CAD: variants seen among roughly 807,000 people sequenced by gnomAD.
CAD encodes the protein carbamoyl-phosphate synthetase 2, aspartate transcarbamylase, and dihydroorotase.
CAD carries 81 observed loss-of-function variants against 237.2 expected under a neutral mutation model. That is an observed-to-expected ratio of 0.34 (90% CI 0.29 to 0.41). The LOEUF is 0.41. Among genes scored for constraint, CAD ranks in the 10% least tolerant of loss-of-function variants. The pLI, the probability that CAD is intolerant of heterozygous loss-of-function variation, is 1.00. For missense variants in CAD, 2,181 were observed against 2,951.7 expected (o/e 0.74, Z 6.05); for synonymous variants, 1,196 against 1,162.8 (o/e 1.03, Z -0.58).
chr2:27,224,713 C>T (rs564017743), intron 9 of CAD, 32 bp from the exon 10 acceptor site: 1 of 1,613,972 alleles, frequency 6.2e-7, no homozygotes, highest in South Asian at 1.1e-5. Flanking sequence ...GCTTCTTCAG[C>T]AGAGGCTGAG....
At chr2:27,234,294 A>G (rs1459566450) in intron 22 of CAD, 68 bp downstream of exon 22, 20 of 1,434,930 alleles carry the variant, frequency 1.4e-5, no homozygotes, top group Non-Finnish European at 1.8e-5. Flanking sequence ...CCACAGTGCC[A>G]TGAAGCCCTG....
At chr2:27,224,073 T>TTGG in intron 8 of CAD, 44 bp downstream of exon 8, 1 of 1,421,356 alleles carries the variant, frequency 7.0e-7, no homozygotes, top group Non-Finnish European at 1.0e-6. Flanking sequence ...AAGAACAGGG[T>TTGG]TGGCTCCAGG....
chr2:27,221,180 T>C (rs1470277968), intron 2 of CAD, 38 bp from the exon 3 acceptor site: 7 of 1,491,942 alleles, frequency 4.7e-6, no homozygotes, highest in Non-Finnish European at 6.3e-6. Flanking sequence ...AAGAAATAAC[T>C]TGGCCTGAGG....
Position 27,242,782 on chromosome 2 carries a change from C to T in CAD, c.6378+7C>T. ...CTCCCGCGGCACCAAGCAGGTGAGACCCTCACAGCCCTGCCTGGAAGCCAT... is the reference window on the plus strand; with the variant it reads ...CTCCCGCGGCACCAAGCAGGTGAGATCCTCACAGCCCTGCCTGGAAGCCAT... On this transcript the variant is annotated splice_region_variant and intron_variant, in intron 41 of 43. Transcript: ENST00000264705. The surrounding 1 kb of genome is among the most constrained non-coding windows in gnomAD (Gnocchi z 6.4). 6.2e-7 allele frequency: 1 copy of T among 1,614,186 alleles called. No individual in the cohort carries two copies. The highest frequency in any genetic ancestry group is 1.1e-5 in the South Asian group (1 of 91,092).
In CAD at chr2:27,240,702, C is replaced by T; in HGVS notation, c.5594-209C>T. ...GCCAACTGGGAGAGCCCCGGGAGGG[C>T]ACCACTGCTCCCATACAACACAGCC... is the stretch of plus-strand genomic sequence containing the variant. On this transcript the variant is annotated intron_variant, in intron 35 of 43. Transcript: ENST00000264705. This position sits in a 1 kb window ranked among gnomAD's most constrained non-coding sequence, Gnocchi z 4.6. The T allele has an allele frequency of 1.4e-6, 2 of 1,392,992 alleles. No homozygotes were observed. Among genetic ancestry groups the T allele is most frequent in the Non-Finnish European group, 2.0e-6 (2 of 1,012,444 alleles). The allele number at this position is 1,392,992 out of a possible 1,614,324, so 86.3% of individuals were successfully genotyped here. A position where few individuals can be genotyped will look rare whatever the true frequency, so the allele number is the denominator to read the frequency against.
Position 27,221,172 on chromosome 2 carries a change from GAAAT to G in CAD, c.223-43_223-40del, listed in dbSNP as rs1189262979. The G allele has an allele frequency of 2.7e-6, 4 of 1,479,612 alleles. No individual in the cohort carries two copies. In the South Asian group the frequency reaches 5.8e-5, roughly 21 times the overall value. 91.7% of individuals were successfully genotyped at this position (1,479,612 alleles called of 1,614,324 possible). ...CACACAATCGGGAAAATGCTGCAAA[GAAAT>G]AACTTGGCCTGAGGCTTCTCACAAT... is the stretch of plus-strand genomic sequence containing the variant. On this transcript the variant is annotated intron_variant, in intron 2 of 43. Transcript: ENST00000264705.
At position 27,235,706 on chromosome 2, in the gene CAD, A is replaced by G; in HGVS notation, c.4074+66A>G. 1 of 1,366,490 alleles carries G rather than the reference A, an allele frequency of 7.3e-7. No homozygotes were observed. The highest frequency in any genetic ancestry group is 1.0e-6 in the Non-Finnish European group (1 of 961,042). 84.6% of individuals were successfully genotyped at this position (1,366,490 alleles called of 1,614,324 possible). ...CCAAGGGGGTGAAAATACTGCACCA[A>G]AGAATTATCTGGGCTGGGCACGGTG... On this transcript the variant is annotated intron_variant, in intron 25 of 43. Coordinates refer to ENST00000264705, the MANE Select transcript of CAD (RefSeq NM_004341.5). This position sits in a 1 kb window ranked among gnomAD's most constrained non-coding sequence, Gnocchi z 5.2.
Position 27,234,373 on chromosome 2 carries a change from G to A in CAD, c.3619-145G>A, listed in dbSNP as rs374319292. ...GAAAGGGCTGTAGCTAGAGCTCATGGTGTTGGGGCTTATGACAGTCAGTGA... is the reference window on the plus strand; with the variant it reads ...GAAAGGGCTGTAGCTAGAGCTCATGATGTTGGGGCTTATGACAGTCAGTGA... On this transcript the variant is annotated intron_variant, in intron 22 of 43. Transcript: ENST00000264705. 18 of 1,107,594 alleles carry A rather than the reference G, an allele frequency of 1.6e-5. No homozygotes were observed. In the African/African-American group the frequency reaches 2.2e-4, roughly 13 times the overall value. The allele number at this position is 1,107,594 out of a possible 1,614,324, so 68.6% of individuals were successfully genotyped here.
chr2:27,227,391 C>T (rs963785908), intron 15 of CAD: 2 of 165,744 alleles, frequency 1.2e-5, no homozygotes, highest in Admixed American at 5.9e-5. Context: ...TGTGGTATCC[C>T]TTTAGTTGCC....
intron 12 of CAD, 83 bp from the exon 13 acceptor site, chr2:27,226,048 A>G (rs1558531736): frequency 3.3e-6 from 5 of 1,498,646 alleles, no homozygotes; most frequent in Non-Finnish European, 4.6e-6. Context: ...GTGCAGCCCC[A>G]GAGGTAACAG....
rs1021678445 is a variant in CAD, at chr2:27,241,469, G to A, written c.5883+73G>A. 3.8e-5 allele frequency: 54 copies of A among 1,406,810 alleles called. No individual in the cohort carries two copies. The African/African-American group carries it at 7.1e-4, about 18-fold the overall frequency. 87.1% of individuals were successfully genotyped at this position (1,406,810 alleles called of 1,614,324 possible). A position where few individuals can be genotyped will look rare whatever the true frequency, so the allele number is the denominator to read the frequency against. Reference sequence around the variant, plus strand: ...GGCCGCATCAGCGCAGGGCCGCGCAGTGGTCAGAGTGGGTCTTCCTCCCCC... The same window carrying A: ...GGCCGCATCAGCGCAGGGCCGCGCAATGGTCAGAGTGGGTCTTCCTCCCCC... On this transcript the variant is annotated intron_variant, in intron 38 of 43. Transcript: ENST00000264705. The surrounding 1 kb of genome is among the most constrained non-coding windows in gnomAD (Gnocchi z 4.6).
chr2:27,224,665 GAA>G, intron 9 of CAD, 78 bp from the exon 10 acceptor site: 3 of 1,575,124 alleles, frequency 1.9e-6, no homozygotes, highest in Non-Finnish European at 2.6e-6. Context: ...GGGAGGGAAA[GAA>G]GAGGAGAATG....
rs1325424672 is a variant in CAD at position 27,240,443 on chromosome 2, C to T, written c.5593+82C>T. The T allele has an allele frequency of 6.7e-7, 1 of 1,483,726 alleles. No homozygotes were observed. The highest frequency in any genetic ancestry group is 9.4e-7 in the Non-Finnish European group (1 of 1,061,830). 91.9% of individuals were successfully genotyped at this position (1,483,726 alleles called of 1,614,324 possible). ...CCAGTGCCTCGCCTTTCTCTACTTACATGTCCTCCTCTCCATCCCTTTATC... is the reference window on the plus strand; with the variant it reads ...CCAGTGCCTCGCCTTTCTCTACTTATATGTCCTCCTCTCCATCCCTTTATC... On this transcript the variant is annotated intron_variant, in intron 35 of 43. Transcript: ENST00000264705. The surrounding 1 kb of genome is among the most constrained non-coding windows in gnomAD (Gnocchi z 4.6).
In CAD at chr2:27,241,695, A is replaced by G. The variant is rs905279664; in HGVS notation, c.5884-216A>G. On this transcript the variant is annotated intron_variant, in intron 38 of 43. Coordinates refer to ENST00000264705, the MANE Select transcript of CAD (RefSeq NM_004341.5). The surrounding 1 kb of genome is among the most constrained non-coding windows in gnomAD (Gnocchi z 4.6). ...TGTCCTCCTTTCCCAGCTCGTTCAG[A>G]CACTTAATGATGGGTGGTTTTCTGG... 6.6e-6 allele frequency among the ~76,000 whole-genome samples: 1 copy of G among 152,186 alleles called. No homozygotes were observed. The highest frequency in any genetic ancestry group is 2.4e-5 in the African/African-American group (1 of 41,446).
At position 27,221,222 on chromosome 2, in the gene CAD, T is replaced by C; in HGVS notation, c.227T>C (p.Phe76Ser). The change falls in exon 3 of 44, where the codon TTT (phenylalanine) becomes TCT (serine). Residue 76 changes from phenylalanine (F) to serine (S), a missense_variant. Coordinates refer to ENST00000264705, the MANE Select transcript of CAD (RefSeq NM_004341.5). ...ACAATCTCTTTCCATCTACAGTGGT[T>C]TGAATCCTCGGGCATCCACGTAGCA... is the stretch of plus-strand genomic sequence containing the variant. Reference protein sequence around the residue: ...EMDEFGLCKWFESSGIHVAAL... With the variant: ...EMDEFGLCKWSESSGIHVAAL... The C allele has an allele frequency of 6.5e-7, 1 of 1,538,388 alleles. No individual in the cohort carries two copies.
rs1460981806 is a variant in CAD at position 27,242,099 on chromosome 2, G to C, written c.6072G>C (p.Arg2024=). ...MSCYADVVVL[R]HPQPGAVELA... is the part of the protein sequence containing the mutation. ...GCTATGCCGACGTCGTCGTGCTCCG[G>C]CACCCCCAGCCTGGAGCAGTGGAGG... The change falls in exon 39 of 44, where the codon CGG becomes CGC. Residue 2024 remains arginine (R), a synonymous_variant. Transcript: ENST00000264705. This position sits in a 1 kb window ranked among gnomAD's most constrained non-coding sequence, Gnocchi z 6.4. 1.2e-6 allele frequency: 2 copies of C among 1,612,972 alleles called. No homozygotes were observed. Among genetic ancestry groups the C allele is most frequent in the South Asian group, 1.1e-5 (1 of 91,068 alleles).
chr2:27,223,023 G>A lies in CAD; in HGVS notation c.795G>A (p.Lys265=). The A allele has an allele frequency of 6.2e-7, 1 of 1,614,128 alleles. No homozygotes were observed. Among genetic ancestry groups the A allele is most frequent in the Non-Finnish European group, 8.5e-7 (1 of 1,180,016 alleles). ...HQLLALAIGA[K]TYKMRYGNRG... ...TATTGGCCTTAGCCATTGGGGCCAAGACTTACAAGATGAGGTGGGACTTGT... is the reference window on the plus strand; with the variant it reads ...TATTGGCCTTAGCCATTGGGGCCAAAACTTACAAGATGAGGTGGGACTTGT... The change falls in exon 6 of 44, where the codon AAG becomes AAA. Residue 265 remains lysine (K), a synonymous_variant. Transcript: ENST00000264705.
rs200118711 is a variant in CAD at position 27,238,610 on chromosome 2, C to T, written c.5040C>T (p.Ile1680=). Residue 1680 remains isoleucine (I), a synonymous_variant, in exon 31 of 44, where the codon ATC becomes ATT. Transcript: ENST00000264705. The part of the protein sequence containing the change: ...VEALWENMAV[I]DCFASDHAPH... ...CCCTGTGGGAGAACATGGCTGTCATCGACTGCTTTGCCTCAGACCATGGTG... is the reference window on the plus strand; with the variant it reads ...CCCTGTGGGAGAACATGGCTGTCATTGACTGCTTTGCCTCAGACCATGGTG... 347 of 1,612,672 alleles carry T rather than the reference C, an allele frequency of 2.2e-4. No homozygotes were observed. Among genetic ancestry groups the T allele is most frequent in the Non-Finnish European group, 2.7e-4 (319 of 1,179,402 alleles).
rs1215498532 is a variant in CAD at position 27,232,836 on chromosome 2, A to C, written c.2892+142A>C. The C allele has an allele frequency of 2.9e-6, 3 of 1,026,804 alleles. No homozygotes were observed. In the East Asian group the frequency reaches 7.2e-5, roughly 24 times the overall value. The allele number at this position is 1,026,804 out of a possible 1,614,324, so 63.6% of individuals were successfully genotyped here. A position where few individuals can be genotyped will look rare whatever the true frequency, so the allele number is the denominator to read the frequency against. ...TTTGGGGTGGGGGTCCTTTTAGGCCATCTCTCATGCCCCACACGGTATATG... is the reference window on the plus strand; with the variant it reads ...TTTGGGGTGGGGGTCCTTTTAGGCCCTCTCTCATGCCCCACACGGTATATG... On this transcript the variant is annotated intron_variant, in intron 18 of 43. Coordinates refer to ENST00000264705, the MANE Select transcript of CAD (RefSeq NM_004341.5). The surrounding 1 kb of genome is among the most constrained non-coding windows in gnomAD (Gnocchi z 4.1).
Sources: gnomAD v4.1 joint callset for allele counts (sites outside exome capture counted in the v4.1 genomes callset) on GRCh38, gnomAD v4.1.1 for gene constraint, Gnocchi (gnomAD v3.1) non-coding constraint, MANE v1.5 for transcripts, NCBI Gene and HGNC (gene_info 2026-07-23, HGNC 2026-07-21) for gene names.